SNAI2: variants seen among roughly 807,000 people sequenced by gnomAD.
The protein encoded by SNAI2 is zinc finger protein SNAI2.
In SNAI2, 2 loss-of-function variants were observed where a neutral mutation model predicts 22.4. The ratio of observed to expected loss-of-function variants is 0.09; its 90% CI spans 0.04 to 0.28. The LOEUF (loss-of-function observed/expected upper bound fraction) is 0.28. SNAI2 is among the 10% of genes least tolerant of loss of function. SNAI2 has a pLI of 1.00. For missense variants in SNAI2, 239 were observed against 320.8 expected (o/e 0.75, Z 1.95); for synonymous variants, 134 against 123.0 (o/e 1.09, Z -0.59).
At chr8:48,920,537 C>A in intron 1 of SNAI2, 96 bp from the exon 2 acceptor site, 1 of 1,118,002 alleles carries the variant, frequency 8.9e-7, no homozygotes, top group South Asian at 1.3e-5. Context: ...TATTTAGCAA[C>A]ACACACGTGA....
Position 48,921,238 on chromosome 8 carries a change from G to T in SNAI2, c.28C>A (p.His10Asn). Residue 10 changes from histidine to asparagine, a missense_variant, in exon 1 of 3, where the codon CAT (histidine) becomes AAT (asparagine). Around this residue, in one of 3 missense-constraint regions of SNAI2, gnomAD observed 183 missense variants for 190.4 expected, o/e 0.96. Coordinates refer to ENST00000020945, the MANE Select transcript of SNAI2 (RefSeq NM_003068.5). Reference protein sequence around the residue: MPRSFLVKKHFNASKKPNYS... With the variant: MPRSFLVKKNFNASKKPNYS... ...TTTGGCTTTTTGGAGGCGTTGAAAT[G>T]CTTCTTGACCAGGAAGGAGCGCGGC... 6.2e-7 allele frequency: 1 copy of T among 1,612,996 alleles called. No individual in the cohort carries two copies. The highest frequency in any genetic ancestry group is 8.5e-7 in the Non-Finnish European group (1 of 1,179,736).
rs987664232 is a variant in SNAI2, at chr8:48,920,529, T to C, written c.80-88A>G. On this transcript the variant is annotated intron_variant, in intron 1 of 2. Coordinates refer to ENST00000020945, the MANE Select transcript of SNAI2 (RefSeq NM_003068.5). ...CAAGTATACACACACTGGAAAGATA[T>C]TTAGCAACACACACGTGATTTTCTT... 20 of 1,174,070 alleles carry C rather than the reference T, an allele frequency of 1.7e-5. 1 individual carries two copies. In the African/African-American group the frequency reaches 2.9e-4, roughly 17 times the overall value. 72.7% of individuals were successfully genotyped at this position (1,174,070 alleles called of 1,614,324 possible).
Position 48,921,250 on chromosome 8 carries a change from G to C in SNAI2, c.16C>G (p.Leu6Val). 1.2e-6 allele frequency: 2 copies of C among 1,613,398 alleles called. No homozygotes were observed. The highest frequency in any genetic ancestry group is 1.7e-6 in the Non-Finnish European group (2 of 1,179,942). MPRSF[L>V]VKKHFNASKK... is the part of the protein sequence containing the mutation. ...GAGGCGTTGAAATGCTTCTTGACCAGGAAGGAGCGCGGCATCTTGCCAGCG... is the reference window on the plus strand; with the variant it reads ...GAGGCGTTGAAATGCTTCTTGACCACGAAGGAGCGCGGCATCTTGCCAGCG... The change falls in exon 1 of 3, where the codon CTG (leucine) becomes GTG (valine). Residue 6 changes from leucine (L) to valine (V), a missense_variant. Physicochemically the swap from Leu to Val is conservative, Grantham distance 32 (BLOSUM62 1). This residue lies in a region of SNAI2 where 183 missense variants were observed against 190.4 expected (regional missense o/e 0.96). Coordinates refer to ENST00000020945, the MANE Select transcript of SNAI2 (RefSeq NM_003068.5).
At chr8:48,921,125 A>G in intron 1 of SNAI2, 62 bp downstream of exon 1, 1 of 1,164,068 alleles carries the variant, frequency 8.6e-7, no homozygotes, top group South Asian at 1.2e-5. Context: ...GAAGGGTAAT[A>G]CGTAGATTCA....
At position 48,921,309 on chromosome 8, in the gene SNAI2, G is replaced by A. The variant is rs756111367; in HGVS notation, c.-44C>T. On this transcript the variant is annotated 5_prime_UTR_variant, in exon 1 of 3. Coordinates refer to ENST00000020945, the MANE Select transcript of SNAI2 (RefSeq NM_003068.5). The stretch of plus-strand genomic sequence containing the variant: ...GGGCGCCCGGCGCGGATAACGGTCC[G>A]GCGGGAGGACACGGCGGTCCCTACA... 1.8e-5 allele frequency: 27 copies of A among 1,487,908 alleles called. No homozygotes were observed. Among genetic ancestry groups the A allele is most frequent in the Non-Finnish European group, 2.3e-5 (25 of 1,071,856 alleles). 92.2% of individuals were successfully genotyped at this position (1,487,908 alleles called of 1,614,324 possible).
Position 48,920,318 on chromosome 8 carries a change from T to G in SNAI2, c.203A>C (p.Gln68Pro). The G allele has an allele frequency of 6.2e-7, 1 of 1,611,820 alleles. No homozygotes were observed. The highest frequency in any genetic ancestry group is 8.5e-7 in the Non-Finnish European group (1 of 1,178,322). Residue 68 changes from glutamine to proline, a missense_variant, in exon 2 of 3, where the codon CAG becomes CCG. Transcript: ENST00000020945. The part of the protein sequence containing the change: ...VWTTAAPFHA[Q>P]LPNGLSPLSG... ...AAGAGGAGAGAGGCCATTGGGTAGC[T>G]GGGCGTGGAATGGAGCAGCGGTAGT...
Position 48,920,152 on chromosome 8 carries a change from A to G in SNAI2, c.369T>C (p.Ile123=). 6.2e-7 allele frequency: 1 copy of G among 1,614,198 alleles called. No homozygotes were observed. Among genetic ancestry groups the G allele is most frequent in the Non-Finnish European group, 8.5e-7 (1 of 1,180,038 alleles). ...LQSKLSDPHA[I]EAEKFQCNLC... is the part of the protein sequence containing the mutation. Reference sequence around the variant, plus strand: ...AATTGCACTGAAACTTTTCAGCTTCAATGGCATGGGGGTCTGAAAGCTTGG... The same window carrying G: ...AATTGCACTGAAACTTTTCAGCTTCGATGGCATGGGGGTCTGAAAGCTTGG... Residue 123 remains isoleucine (I), a synonymous_variant, in exon 2 of 3, where the codon ATT becomes ATC. Coordinates refer to ENST00000020945, the MANE Select transcript of SNAI2 (RefSeq NM_003068.5).
In SNAI2 at chr8:48,921,179, C is replaced by T. The variant is rs1473995752; in HGVS notation, c.79+8G>A. ...TACGTAGTTCTAGATATATTTTTCT[C>T]TTTTTACCTGTATGTGTGTCCAGTT... On this transcript the variant is annotated splice_region_variant and intron_variant, in intron 1 of 2. Transcript: ENST00000020945. 1 of 1,603,394 alleles carries T rather than the reference C, an allele frequency of 6.2e-7. No homozygotes were observed. Among genetic ancestry groups the T allele is most frequent in the African/African-American group, 1.3e-5 (1 of 74,870 alleles).
intron 2 of SNAI2, 150 bp from the exon 3 acceptor site, chr8:48,919,138 T>A: frequency 4.4e-6 from 3 of 682,852 alleles, no homozygotes; most frequent in African/African-American, 1.8e-5. Context: ...TAGACACTTT[T>A]AAAAATACCT....
In SNAI2 at chr8:48,918,955, C is replaced by T; in HGVS notation, c.659G>A (p.Arg220Lys). The T allele has an allele frequency of 6.2e-7, 1 of 1,614,022 alleles. No individual in the cohort carries two copies. Among genetic ancestry groups the T allele is most frequent in the Non-Finnish European group, 8.5e-7 (1 of 1,180,024 alleles). ...CAGATTTGACCTGTCTGCAAATGCT[C>T]TGTTGCAGTGAGGGCAAGAAAAAGG... ...EKPFSCPHCNRAFADRSNLRA... is the reference protein window; with the variant it reads ...EKPFSCPHCNKAFADRSNLRA... Residue 220 changes from arginine to lysine, a missense_variant, in exon 3 of 3, where the codon AGA becomes AAA. By Grantham distance (26) the Arg-to-Lys change is conservative. Around this residue, in one of 3 missense-constraint regions of SNAI2, gnomAD observed 31 missense variants for 99.0 expected, o/e 0.31. Coordinates refer to ENST00000020945, the MANE Select transcript of SNAI2 (RefSeq NM_003068.5).
Position 48,921,309 on chromosome 8 carries a change from G to C in SNAI2, c.-44C>G, listed in dbSNP as rs756111367. The C allele has an allele frequency of 2.7e-6, 4 of 1,487,910 alleles. No homozygotes were observed. The highest frequency in any genetic ancestry group is 1.1e-5 in the South Asian group (1 of 88,718). The allele number at this position is 1,487,910 out of a possible 1,614,324, so 92.2% of individuals were successfully genotyped here. ...GGGCGCCCGGCGCGGATAACGGTCC[G>C]GCGGGAGGACACGGCGGTCCCTACA... is the stretch of plus-strand genomic sequence containing the variant. On this transcript the variant is annotated 5_prime_UTR_variant, in exon 1 of 3. Coordinates refer to ENST00000020945, the MANE Select transcript of SNAI2 (RefSeq NM_003068.5).
At position 48,921,319 on chromosome 8, in the gene SNAI2, C is replaced by A. The variant is rs569213722; in HGVS notation, c.-54G>T. On this transcript the variant is annotated 5_prime_UTR_variant, in exon 1 of 3. Transcript: ENST00000020945. ...CGCGGATAACGGTCCGGCGGGAGGA[C>A]ACGGCGGTCCCTACAGCATCGCGGC... 1.3e-4 allele frequency: 182 copies of A among 1,380,870 alleles called. No individual in the cohort carries two copies. Among genetic ancestry groups the A allele is most frequent in the Middle Eastern group, 1.1e-3 (6 of 5,378 alleles). The allele number at this position is 1,380,870 out of a possible 1,614,324, so 85.5% of individuals were successfully genotyped here. A position where few individuals can be genotyped will look rare whatever the true frequency, so the allele number is the denominator to read the frequency against.
rs1490629391 is a variant in SNAI2 at position 48,917,943 on chromosome 8, A to C, written c.*864T>G. On this transcript the variant is annotated 3_prime_UTR_variant, in exon 3 of 3. Transcript: ENST00000020945. ...AACACAAATTTACATTGACTCATCA[A>C]CTATACAATTTAAAAAGGCACTTGG... 2.6e-5 allele frequency: 4 copies of C among 152,358 alleles called. No individual in the cohort carries two copies. Among genetic ancestry groups the C allele is most frequent in the African/African-American group, 9.6e-5 (4 of 41,592 alleles). The allele number at this position is 152,358 out of a possible 1,614,324, so 9.4% of individuals were successfully genotyped here. A position where few individuals can be genotyped will look rare whatever the true frequency, so the allele number is the denominator to read the frequency against.
At position 48,918,979 on chromosome 8, in the gene SNAI2, G is replaced by A; in HGVS notation, c.635C>T (p.Pro212Leu). ...GHIRTHTGEKPFSCPHCNRAF... is the reference protein window; with the variant it reads ...GHIRTHTGEKLFSCPHCNRAF... ...TCTGTTGCAGTGAGGGCAAGAAAAA[G>A]GCTTCTCCCCTGGGGGTGGAGTGGG... Residue 212 changes from proline to leucine, a missense_variant, in exon 3 of 3, where the codon CCT becomes CTT. Physicochemically the swap from Pro to Leu is moderately conservative, Grantham distance 98. Coordinates refer to ENST00000020945, the MANE Select transcript of SNAI2 (RefSeq NM_003068.5). 1 of 1,613,714 alleles carries A rather than the reference G, an allele frequency of 6.2e-7. No individual in the cohort carries two copies. Among genetic ancestry groups the A allele is most frequent in the Non-Finnish European group, 8.5e-7 (1 of 1,179,976 alleles).
chr8:48,918,426 C>G lies in SNAI2; in HGVS notation c.*381G>C, dbSNP rs1806110216. The G allele has an allele frequency of 4.2e-6, 1 of 240,780 alleles. No homozygotes were observed. Among genetic ancestry groups the G allele is most frequent in the Non-Finnish European group, 8.2e-6 (1 of 121,980 alleles). The allele number at this position is 240,780 out of a possible 1,614,324, so 14.9% of individuals were successfully genotyped here. A position where few individuals can be genotyped will look rare whatever the true frequency, so the allele number is the denominator to read the frequency against. ...GGAAATCCTATTACAGACTCTATTA[C>G]AAAGCAATACTGTTCTTTTCAGTTG... On this transcript the variant is annotated 3_prime_UTR_variant, in exon 3 of 3. Transcript: ENST00000020945.
Position 48,920,267 on chromosome 8 carries a change from C to T in SNAI2, c.254G>A (p.Arg85Gln), listed in dbSNP as rs1175977420. ...GTCAGATGGAGGAGGGGGACTCACT[C>T]GCCCCAAAGATGAGGAGTATCCGGA... is the stretch of plus-strand genomic sequence containing the variant. ...PLSGYSSSLG[R>Q]VSPPPPSDTS... Residue 85 changes from arginine to glutamine, a missense_variant, in exon 2 of 3, where the codon CGA becomes CAA. Coordinates refer to ENST00000020945, the MANE Select transcript of SNAI2 (RefSeq NM_003068.5). The T allele has an allele frequency of 1.2e-6, 2 of 1,613,884 alleles. No homozygotes were observed. Among genetic ancestry groups the T allele is most frequent in the East Asian group, 4.5e-5 (2 of 44,860 alleles).
In SNAI2 at chr8:48,917,867, T is replaced by C. The variant is rs1390464310; in HGVS notation, c.*940A>G. 1 of 152,172 alleles carries C rather than the reference T, an allele frequency of 6.6e-6. No homozygotes were observed. The highest frequency in any genetic ancestry group is 2.4e-5 in the African/African-American group (1 of 41,432). The allele number at this position is 152,172 out of a possible 1,614,324, so 9.4% of individuals were successfully genotyped here. A position where few individuals can be genotyped will look rare whatever the true frequency, so the allele number is the denominator to read the frequency against. ...TCTTCAGGTTGTTTATAGACATAGC[T>C]ATAGACAACATCTCAGTTTCATACA... On this transcript the variant is annotated 3_prime_UTR_variant, in exon 3 of 3. Transcript: ENST00000020945.
At chr8:48,920,737 G>A (rs939917209) in intron 1 of SNAI2, among the ~76,000 whole-genome samples, 1 of 152,196 alleles carries the variant, frequency 6.6e-6, no homozygotes, top group African/African-American at 2.4e-5. Flanking sequence ...ATTGAGGAAG[G>A]AGAGCCTCAA....
At position 48,920,338 on chromosome 8, in the gene SNAI2, G is replaced by T. The variant is rs1454759346; in HGVS notation, c.183C>A (p.Thr61=). The change falls in exon 2 of 3, where the codon ACC becomes ACA. Residue 61 remains threonine (T), a synonymous_variant. Coordinates refer to ENST00000020945, the MANE Select transcript of SNAI2 (RefSeq NM_003068.5). ...GTAGCTGGGCGTGGAATGGAGCAGC[G>T]GTAGTCCACACAGTGATGGGGCTGT... is the stretch of plus-strand genomic sequence containing the variant. ...GAYSPITVWT[T]AAPFHAQLPN... is the part of the protein sequence containing the mutation. The T allele has an allele frequency of 1.2e-6, 2 of 1,612,860 alleles. No homozygotes were observed. The highest frequency in any genetic ancestry group is 2.2e-5 in the East Asian group (1 of 44,846).
Sources: gnomAD v4.1 joint callset for allele counts (sites outside exome capture counted in the v4.1 genomes callset) on GRCh38, gnomAD v4.1.1 for gene constraint, gnomAD v4.1.1 regional missense constraint, MANE v1.5 for transcripts, NCBI Gene and HGNC (gene_info 2026-07-23, HGNC 2026-07-21) for gene names.